LARP4B: variants seen among roughly 807,000 people sequenced by gnomAD.
LARP4B encodes la-related protein 4B.
In LARP4B, 12 loss-of-function variants were observed where a neutral mutation model predicts 89.8. That is an observed-to-expected ratio of 0.13 (90% CI 0.09 to 0.22). The LOEUF (loss-of-function observed/expected upper bound fraction) is 0.22. LARP4B is among the 10% of genes least tolerant of loss of function. The probability of loss-of-function intolerance (pLI) is 1.00; values close to 1 mark genes in which losing one functional copy is unlikely to be tolerated. For missense variants in LARP4B, 757 were observed against 947.7 expected (o/e 0.80, Z 2.64); for synonymous variants, 367 against 363.3 (o/e 1.01, Z -0.12).
intron 1 of LARP4B, among the ~76,000 whole-genome samples, chr10:908,466 G>A (rs939463025): frequency 6.6e-6 from 1 of 152,234 alleles, no homozygotes; most frequent in African/African-American, 2.4e-5. Context: ...ATCCTAGGAA[G>A]CATGGGTAAA....
chr10:899,276 G>A (rs1836269756), intron 1 of LARP4B, among the ~76,000 whole-genome samples: 1 of 152,116 alleles, frequency 6.6e-6, no homozygotes, highest in African/African-American at 2.4e-5. Flanking sequence ...TGCATTATGG[G>A]TTGACCTTAG....
At chr10:967,502 AT>A in the LARP4B span, among the ~76,000 whole-genome samples, 2 of 152,200 alleles carry the variant, frequency 1.3e-5, no homozygotes, top group African/African-American at 4.8e-5. Context: ...ATAAAGATAC[AT>A]TTTTGGTTCA....
intron 9 of LARP4B, among the ~76,000 whole-genome samples, chr10:830,190 C>G (rs547197510): frequency 2.6e-5 from 4 of 152,262 alleles, no homozygotes; most frequent in African/African-American, 9.6e-5. Flanking sequence ...CTACATTAAA[C>G]CCCTATAAAA....
chr10:928,380 T>C (rs1246237191), intron 1 of LARP4B, among the ~76,000 whole-genome samples: 1 of 152,214 alleles, frequency 6.6e-6, no homozygotes, highest in African/African-American at 2.4e-5. Context: ...ATTATAATCC[T>C]AGCTATCACT....
chr10:846,880 C>T (rs1410159053), intron 5 of LARP4B, among the ~76,000 whole-genome samples: 1 of 152,178 alleles, frequency 6.6e-6, no homozygotes, highest in East Asian at 1.9e-4. Context: ...CCAAGGGACA[C>T]AGGCTCACAG....
rs1831763089 is a variant in LARP4B at position 812,127 on chromosome 10, G to A, written c.*799C>T. 1 of 152,694 alleles carries A rather than the reference G, an allele frequency of 6.5e-6. No individual in the cohort carries two copies. Among genetic ancestry groups the A allele is most frequent in the South Asian group, 2.1e-4 (1 of 4,828 alleles). The allele number at this position is 152,694 out of a possible 1,614,324, so 9.5% of individuals were successfully genotyped here. On this transcript the variant is annotated 3_prime_UTR_variant, in exon 18 of 18. Coordinates refer to ENST00000316157, the MANE Select transcript of LARP4B (RefSeq NM_015155.3). ...GCAGGGCCGGGGCCATCAGCTCACA[G>A]GGGTCAAAACAACATCATGGTACAA... is the stretch of plus-strand genomic sequence containing the variant.
At chr10:921,869 C>T (rs1438041657) in intron 1 of LARP4B, among the ~76,000 whole-genome samples, 1 of 152,152 alleles carries the variant, frequency 6.6e-6, no homozygotes, top group Non-Finnish European at 1.5e-5. Context: ...AACTGAAGGC[C>T]ACGTGCACAC....
At chr10:831,064 T>C in intron 8 of LARP4B, 87 bp from the exon 9 acceptor site, 1 of 585,510 alleles carries the variant, frequency 1.7e-6, no homozygotes, top group Non-Finnish European at 3.0e-6. Flanking sequence ...ATGCATTCTC[T>C]TAAGGAACTA....
At chr10:909,274 A>G (rs537383414) in intron 1 of LARP4B, among the ~76,000 whole-genome samples, 51 of 145,886 alleles carry the variant, frequency 3.5e-4, no homozygotes, top group Admixed American at 1.2e-3. Context: ...AGCCTGGGCG[A>G]CAGAGCACGA....
chr10:945,581 G>A, the LARP4B span, among the ~76,000 whole-genome samples: 4 of 151,716 alleles, frequency 2.6e-5, no homozygotes, highest in Admixed American at 6.6e-5. Context: ...CCAGCTACTC[G>A]GGAGGCTGGG....
chr10:821,726 G>A (rs914674271), intron 13 of LARP4B, among the ~76,000 whole-genome samples: 6 of 152,208 alleles, frequency 3.9e-5, no homozygotes, highest in African/African-American at 1.4e-4. Flanking sequence ...TGCCTAAGAT[G>A]GCCTAACAGT....
chr10:946,247 A>G, the LARP4B span, among the ~76,000 whole-genome samples: 1 of 152,238 alleles, frequency 6.6e-6, no homozygotes, highest in Non-Finnish European at 1.5e-5. Context: ...TAGCAAACAT[A>G]AAAATGACCT....
intron 8 of LARP4B, among the ~76,000 whole-genome samples, chr10:833,757 C>T (rs11812170): frequency 0.15 from 23,228 of 151,832 alleles, 1,933 homozygotes; most frequent in Non-Finnish European, 0.19. Flanking sequence ...GGCATGGTGG[C>T]GCATGCCTGT....
intron 11 of LARP4B, 119 bp from the exon 12 acceptor site, chr10:825,989 T>C (rs1296086531): frequency 6.0e-6 from 4 of 670,596 alleles, no homozygotes; most frequent in East Asian, 5.5e-5. Flanking sequence ...TCATGACCCA[T>C]GCTGAGACAT....
At chr10:825,945 T>C (rs944251771) in intron 11 of LARP4B, 75 bp from the exon 12 acceptor site, 10 of 972,418 alleles carry the variant, frequency 1.0e-5, no homozygotes, top group Non-Finnish European at 1.6e-5. Context: ...AACAAATCTG[T>C]GGAAACTGAG....
Position 906,208 on chromosome 10 carries a change from A to C in LARP4B, c.-39-20448T>G, listed in dbSNP as rs1380853819. Among the ~76,000 whole-genome samples the C allele has an allele frequency of 2.6e-5, 4 of 152,230 alleles. No homozygotes were observed. In the East Asian group the frequency reaches 5.8e-4, roughly 22 times the overall value. On this transcript the variant is annotated intron_variant, in intron 1 of 17. Coordinates refer to ENST00000316157, the MANE Select transcript of LARP4B (RefSeq NM_015155.3). ...GCTGAGAGACAGGAAAACCCTCTGA[A>C]TAGTACAATGCTTCTATGACTCTTC...
chr10:937,841 G>A, the LARP4B span, among the ~76,000 whole-genome samples: 1 of 152,114 alleles, frequency 6.6e-6, no homozygotes, highest in Admixed American at 6.6e-5. Context: ...GGAAACATTC[G>A]CTGTGATTAA....
At chr10:865,612 C>CG (rs1670090496) in intron 3 of LARP4B, among the ~76,000 whole-genome samples, 1 of 152,080 alleles carries the variant, frequency 6.6e-6, no homozygotes, top group African/African-American at 2.4e-5. Flanking sequence ...CCTGACACAG[C>CG]GAATAAACCC....
intron 3 of LARP4B, among the ~76,000 whole-genome samples, chr10:874,933 C>A (rs75784153): frequency 6.6e-6 from 1 of 152,092 alleles, no homozygotes; most frequent in East Asian, 1.9e-4. Context: ...TTTTGTCACA[C>A]GTCTTAATTT....
Sources: allele counts gnomAD v4.1 joint callset (sites outside exome capture counted in the v4.1 genomes callset), GRCh38; gene constraint gnomAD v4.1.1; transcripts MANE v1.5; gene names NCBI Gene and HGNC (gene_info 2026-07-23, HGNC 2026-07-21).